The following EGFR variants were observed in gnomAD, a reference collection of about 807,000 sequenced individuals.
EGFR encodes epidermal growth factor receptor, also known as avian erythroblastic leukemia viral (v-erb-b) oncogene homolog.
In EGFR, 58 loss-of-function variants were observed where a neutral mutation model predicts 143.0. The ratio of observed to expected loss-of-function variants is 0.41; its 90% CI spans 0.33 to 0.50. The LOEUF (loss-of-function observed/expected upper bound fraction) is 0.50, where lower values mean the gene tolerates loss of function less well. Among genes scored for constraint, EGFR ranks in the 20% least tolerant of loss-of-function variants. The pLI is 0.39. For missense variants in EGFR, 1,307 were observed against 1,579.0 expected, an observed-to-expected ratio of 0.83 and a Z score of 2.92; for synonymous variants, 613 against 594.4, an observed-to-expected ratio of 1.03 and a Z score of -0.45.
intron 22 of EGFR, among the ~76,000 whole-genome samples, chr7:55,194,905 T>G (rs935818797): frequency 6.6e-6 from 1 of 152,246 alleles, no homozygotes; most frequent in African/African-American, 2.4e-5. Flanking sequence ...CATATCCTGT[T>G]TTCTCTACTC....
chr7:55,157,628 T>G (rs1785493995), intron 10 of EGFR, 35 bp from the exon 11 acceptor site: 12 of 1,575,996 alleles, frequency 7.6e-6, no homozygotes, highest in Non-Finnish European at 1.0e-5. Context: ...AACTCCTACG[T>G]GGTGTGTGTC....
At chr7:55,130,861 C>G (rs1435632974) in intron 1 of EGFR, among the ~76,000 whole-genome samples, 1 of 152,246 alleles carries the variant, frequency 6.6e-6, no homozygotes, top group Non-Finnish European at 1.5e-5. Context: ...CAGACGCATC[C>G]CTGTGTCCAG....
At position 55,152,576 on chromosome 7, in the gene EGFR, C is replaced by A; in HGVS notation, c.659C>A (p.Ser220Tyr). The change falls in exon 6 of 28, where the codon TCC becomes TAC. Residue 220 changes from serine (S) to tyrosine (Y), a missense_variant. By Grantham distance (144) the Ser-to-Tyr change is moderately radical (BLOSUM62 -2). Coordinates refer to ENST00000275493, the MANE Select transcript of EGFR (RefSeq NM_005228.5). ...LTKIICAQQC[S>Y]GRCRGKSPSD... ...AAAATCATCTGTGCCCAGCAGTGCTCCGGGCGCTGCCGTGGCAAGTCCCCC... is the reference window on the plus strand; with the variant it reads ...AAAATCATCTGTGCCCAGCAGTGCTACGGGCGCTGCCGTGGCAAGTCCCCC... 1 of 1,613,932 alleles carries A rather than the reference C, an allele frequency of 6.2e-7. No individual in the cohort carries two copies. Among genetic ancestry groups the A allele is most frequent in the Non-Finnish European group, 8.5e-7 (1 of 1,180,044 alleles).
Position 55,142,377 on chromosome 7 carries a change from G to A in EGFR, c.180G>A (p.Val60=), listed in dbSNP as rs1171516758. Reference sequence around the variant, plus strand: ...AGAGGATGTTCAATAACTGTGAGGTGGTCCTTGGGAATTTGGAAATTACCT... The same window carrying A: ...AGAGGATGTTCAATAACTGTGAGGTAGTCCTTGGGAATTTGGAAATTACCT... ...SLQRMFNNCE[V]VLGNLEITYV... The change falls in exon 2 of 28, where the codon GTG becomes GTA. Residue 60 remains valine (V), a synonymous_variant. Transcript: ENST00000275493. 1.2e-6 allele frequency: 2 copies of A among 1,614,158 alleles called. No homozygotes were observed. The highest frequency in any genetic ancestry group is 2.2e-5 in the South Asian group (2 of 91,082).
Position 55,054,108 on chromosome 7 carries a change from A to G in EGFR, c.88+34743A>G, listed in dbSNP as rs576352808. ...CCCTCAAAGAGGAAAGCCCTGCCTA[A>G]TGGTCTGCCCGTTCTTGTTCACTCC... On this transcript the variant is annotated intron_variant, in intron 1 of 27. Transcript: ENST00000275493. 8.9e-4 allele frequency among the ~76,000 whole-genome samples: 135 copies of G among 152,248 alleles called. 1 individual carries two copies. Among genetic ancestry groups the G allele is most frequent in the African/African-American group, 2.8e-3 (117 of 41,564 alleles).
intron 1 of EGFR, among the ~76,000 whole-genome samples, chr7:55,120,015 G>A (rs1793102099): frequency 6.6e-6 from 1 of 152,242 alleles, no homozygotes; most frequent in South Asian, 2.1e-4. Context: ...AAATAGTGCT[G>A]AGGCCAGTAT....
chr7:55,170,526 G>A (rs778870778), intron 15 of EGFR: 12 of 1,613,328 alleles, frequency 7.4e-6, no homozygotes, highest in South Asian at 2.2e-5. Context: ...TGATCATCAC[G>A]GCCTCCTCCT....
At chr7:55,100,938 C>T (rs1390743817) in intron 1 of EGFR, among the ~76,000 whole-genome samples, 1 of 152,266 alleles carries the variant, frequency 6.6e-6, no homozygotes, top group African/African-American at 2.4e-5. Flanking sequence ...AAAATTGCTG[C>T]TGTGAATACC....
At chr7:55,034,549 G>T (rs1388867499) in intron 1 of EGFR, among the ~76,000 whole-genome samples, 3 of 152,180 alleles carry the variant, frequency 2.0e-5, no homozygotes, top group Non-Finnish European at 4.4e-5. Context: ...CAAGGACTGT[G>T]ACTGTCTTCT....
At chr7:55,151,385 A>C in intron 5 of EGFR, 23 bp downstream of exon 5, 1 of 1,613,596 alleles carries the variant, frequency 6.2e-7, no homozygotes, top group Non-Finnish European at 8.5e-7. Flanking sequence ...ACAGCCTCAG[A>C]CCCATGTGTG....
At chr7:55,200,234 C>A (rs745938928) in intron 23 of EGFR, 82 bp from the exon 24 acceptor site, 5 of 1,318,774 alleles carry the variant, frequency 3.8e-6, no homozygotes, top group Non-Finnish European at 3.3e-6. Context: ...TGTCGCATCA[C>A]CAATGCCTTC....
intron 1 of EGFR, among the ~76,000 whole-genome samples, chr7:55,094,400 T>A (rs1421191298): frequency 1.3e-5 from 2 of 152,242 alleles, no homozygotes; most frequent in African/African-American, 4.8e-5. Context: ...TGCCACCCAC[T>A]GATCATCTGG....
At chr7:55,187,901 G>A (rs1787213015) in intron 20 of EGFR, among the ~76,000 whole-genome samples, 1 of 152,148 alleles carries the variant, frequency 6.6e-6, no homozygotes, top group Admixed American at 6.5e-5. Flanking sequence ...CCTGGAAGAT[G>A]AGGCCTGAGA....
At chr7:55,035,738 C>T (rs12536919) in intron 1 of EGFR, among the ~76,000 whole-genome samples, 1 of 150,996 alleles carries the variant, frequency 6.6e-6, no homozygotes, top group Non-Finnish European at 1.5e-5. Context: ...AAACAGAATG[C>T]TGACCACCTT....
chr7:55,129,216 G>T (rs80038290), intron 1 of EGFR, among the ~76,000 whole-genome samples: 2,713 of 152,312 alleles, frequency 0.018, 39 homozygotes, highest in Non-Finnish European at 0.022. Context: ...TCTAGCTGGG[G>T]AGGCCTTTGC....
chr7:55,084,970 G>A (rs1790669902), intron 1 of EGFR, among the ~76,000 whole-genome samples: 2 of 152,104 alleles, frequency 1.3e-5, no homozygotes, highest in Non-Finnish European at 2.9e-5. Flanking sequence ...CACACTCAGT[G>A]AGCGGAGAGT....
intron 22 of EGFR, among the ~76,000 whole-genome samples, chr7:55,196,109 T>C (rs1363422606): frequency 6.7e-6 from 1 of 149,660 alleles, no homozygotes; most frequent in Non-Finnish European, 1.5e-5. Context: ...ATAATTGAAC[T>C]AATTTACATT....
chr7:55,110,781 C>T lies in EGFR; in HGVS notation c.89-31505C>T, dbSNP rs561142492. 3.3e-5 allele frequency among the ~76,000 whole-genome samples: 5 copies of T among 152,282 alleles called. No individual in the cohort carries two copies. The South Asian group carries it at 1.0e-3, about 32-fold the overall frequency. On this transcript the variant is annotated intron_variant, in intron 1 of 27. Transcript: ENST00000275493. ...CTCCTTTCTCTTGCCATTCGCTGGC[C>T]ATTAGCCACCAGCCTCTGCACAATG...
chr7:55,151,312 G>A lies in EGFR; in HGVS notation c.578G>A (p.Ser193Asn), dbSNP rs1785138836. 6.2e-7 allele frequency: 1 copy of A among 1,614,206 alleles called. No homozygotes were observed. Among genetic ancestry groups the A allele is most frequent in the Non-Finnish European group, 8.5e-7 (1 of 1,180,022 alleles). ...HLGSCQKCDP[S>N]CPNGSCWGAG... ...ATTTCAGGCCAAAAGTGTGATCCAA[G>A]CTGTCCCAATGGGAGCTGCTGGGGT... The change falls in exon 5 of 28, where the codon AGC (serine) becomes AAC (asparagine). Residue 193 changes from serine to asparagine, a missense_variant. By Grantham distance (46) the Ser-to-Asn change is conservative. Coordinates refer to ENST00000275493, the MANE Select transcript of EGFR (RefSeq NM_005228.5).
Sources: allele counts gnomAD v4.1 joint callset (sites outside exome capture counted in the v4.1 genomes callset), GRCh38; gene constraint gnomAD v4.1.1; transcripts MANE v1.5; gene names NCBI Gene and HGNC (gene_info 2026-07-23, HGNC 2026-07-21).